Variants in UNKL observed in about 807,000 individuals in gnomAD.
UNKL encodes the protein unk like zinc finger.
In UNKL, 60 loss-of-function variants were observed where a neutral mutation model predicts 78.0. The ratio of observed to expected loss-of-function variants is 0.77; its 90% CI spans 0.63 to 0.95. The LOEUF is 0.95. Among genes scored for constraint, UNKL ranks in the 40% least tolerant of loss-of-function variants. The probability of loss-of-function intolerance (pLI) is 0.00; values close to 1 mark genes in which losing one functional copy is unlikely to be tolerated. For missense variants in UNKL, 1,159 were observed against 1,045.7 expected (o/e 1.11, Z -1.49); for synonymous variants, 608 against 474.8 (o/e 1.28, Z -3.65).
intron 6 of UNKL, among the ~76,000 whole-genome samples, chr16:1,396,792 G>C (rs1048433136): frequency 6.6e-6 from 1 of 151,710 alleles, no homozygotes; most frequent in African/African-American, 2.4e-5. Context: ...ACGGGGTTTT[G>C]CCAGGATGGT....
In UNKL at chr16:1,385,263, G is replaced by C. The variant is rs1249467500; in HGVS notation, c.1209C>G (p.Pro403=). 4.5e-6 allele frequency: 6 copies of C among 1,331,656 alleles called. No individual in the cohort carries two copies. The Admixed American group carries it at 2.0e-4, about 45-fold the overall frequency. 82.5% of individuals were successfully genotyped at this position (1,331,656 alleles called of 1,614,324 possible). Residue 403 remains proline (P), a synonymous_variant, in exon 10 of 15, where the codon CCC becomes CCG. Transcript: ENST00000389221. ...GGCCGAGCGGGAGGGCACGGGCGGG[G>C]GGCGCGGGCAGCGCAGTGGGGGAGG... The part of the protein sequence containing the change: ...GSSSPTALPA[P]PARALPLGPA...
At chr16:1,404,204 G>A (rs1230084923) in intron 2 of UNKL, among the ~76,000 whole-genome samples, 2 of 152,202 alleles carry the variant, frequency 1.3e-5, no homozygotes, top group Non-Finnish European at 2.9e-5. Flanking sequence ...GTGGCCCAAG[G>A]GCCAAGGCAG....
intron 10 of UNKL, among the ~76,000 whole-genome samples, chr16:1,377,919 G>T (rs923170702): frequency 6.6e-6 from 1 of 152,150 alleles, no homozygotes; most frequent in Non-Finnish European, 1.5e-5. Flanking sequence ...TTCATGCATT[G>T]CAATAGTAAC....
chr16:1,400,213 G>A (rs1239407988), intron 4 of UNKL, among the ~76,000 whole-genome samples: 1 of 152,006 alleles, frequency 6.6e-6, no homozygotes, highest in African/African-American at 2.4e-5. Flanking sequence ...AAGGTCAGGA[G>A]TTCAAGACTT....
chr16:1,366,711 G>A (rs2035287050), intron 14 of UNKL, among the ~76,000 whole-genome samples: 1 of 152,242 alleles, frequency 6.6e-6, no homozygotes, highest in African/African-American at 2.4e-5. Context: ...AGGACCCTCT[G>A]TCCTATAGCA....
chr16:1,413,906 C>A lies in UNKL; in HGVS notation c.227G>T (p.Ser76Ile). The A allele has an allele frequency of 6.4e-7, 1 of 1,558,946 alleles. No individual in the cohort carries two copies. The highest frequency in any genetic ancestry group is 8.7e-7 in the Non-Finnish European group (1 of 1,151,604). Reference protein sequence around the residue: ...LRRRDGTFNYSPDVYCSKYNE... With the variant: ...LRRRDGTFNYIPDVYCSKYNE... ...GTACTTGGAGCAGTACACGTCGGGGCTGTAGTTGAAGGTGCCGTCGCGCCT... is the reference window on the plus strand; with the variant it reads ...GTACTTGGAGCAGTACACGTCGGGGATGTAGTTGAAGGTGCCGTCGCGCCT... Residue 76 changes from serine (S) to isoleucine (I), a missense_variant, in exon 2 of 15, where the codon AGC becomes ATC. Coordinates refer to ENST00000389221, the MANE Select transcript of UNKL (RefSeq NM_001372107.1).
intron 9 of UNKL, among the ~76,000 whole-genome samples, chr16:1,386,318 C>T (rs555038140): frequency 2.6e-5 from 4 of 152,184 alleles, no homozygotes; most frequent in African/African-American, 4.8e-5. Context: ...TTTGGGAGGC[C>T]GAGGTGGGCA....
chr16:1,381,194 A>G (rs1303077418), intron 10 of UNKL, among the ~76,000 whole-genome samples: 1 of 152,244 alleles, frequency 6.6e-6, no homozygotes, highest in Admixed American at 6.5e-5. Context: ...GCACAGTCCA[A>G]GATGGTCTCT....
At position 1,367,090 on chromosome 16, in the gene UNKL, A is replaced by T; in HGVS notation, c.2046+2T>A. The T allele has an allele frequency of 6.5e-7, 1 of 1,549,454 alleles. No individual in the cohort carries two copies. Among genetic ancestry groups the T allele is most frequent in the Non-Finnish European group, 8.7e-7 (1 of 1,151,932 alleles). The stretch of plus-strand genomic sequence containing the variant: ...CCTCACCCTGCCCAGAGCAGGACTC[A>T]CGCCGTCCACCGCCTCCAGGTCCAG... On this transcript the variant is annotated splice_donor_variant, in intron 14 of 14. Transcript: ENST00000389221. LOFTEE classifies it high-confidence loss of function.
intron 12 of UNKL, among the ~76,000 whole-genome samples, chr16:1,368,608 CAAAAAAAAAAAAAAAA>C (rs757374554): frequency 2.4e-5 from 1 of 42,144 alleles, no homozygotes; most frequent in Non-Finnish European, 4.1e-5. Flanking sequence ...GACTCCGTCT[CAAAAAAAAAAAAAAAA>C]AAAAAAAAAA....
intron 1 of UNKL, 23 bp downstream of exon 1, chr16:1,414,592 C>G: frequency 9.8e-7 from 1 of 1,020,598 alleles, no homozygotes; most frequent in Non-Finnish European, 1.2e-6. Context: ...GGGCGGGGGG[C>G]CGCAGGCCGG....
chr16:1,412,596 C>T (rs984114380), intron 2 of UNKL, among the ~76,000 whole-genome samples: 3 of 152,150 alleles, frequency 2.0e-5, no homozygotes, highest in East Asian at 1.9e-4. Context: ...GGTGACAGAG[C>T]GAGACTCAGT....
chr16:1,391,196 A>G (rs1258072502), intron 8 of UNKL, among the ~76,000 whole-genome samples: 1 of 141,048 alleles, frequency 7.1e-6, no homozygotes, highest in Admixed American at 6.9e-5. Context: ...CACACACACA[A>G]TATATATGTA....
At chr16:1,383,128 C>T (rs1289783247) in intron 10 of UNKL, among the ~76,000 whole-genome samples, 1 of 150,278 alleles carries the variant, frequency 6.7e-6, no homozygotes, top group Non-Finnish European at 1.5e-5. Flanking sequence ...AAAAATTAGC[C>T]GGGCGTAGTG....
At chr16:1,368,409 T>A (rs1465581460) in intron 12 of UNKL, among the ~76,000 whole-genome samples, 2 of 151,944 alleles carry the variant, frequency 1.3e-5, no homozygotes, top group Non-Finnish European at 2.9e-5. Context: ...GAGACCATCC[T>A]GGCTAACAAG....
At chr16:1,372,092 CA>C (rs11342892) in intron 10 of UNKL, among the ~76,000 whole-genome samples, 133,003 of 145,530 alleles carry the variant, frequency 0.91, 60,763 homozygotes, top group East Asian at 0.99. Flanking sequence ...CCGTCTCAAC[CA>C]AAAAAAAAAA....
chr16:1,390,548 T>C lies in UNKL; in HGVS notation c.1086+84A>G, dbSNP rs2037004674. 6.9e-6 allele frequency: 10 copies of C among 1,442,082 alleles called. No individual in the cohort carries two copies. The South Asian group carries it at 1.2e-4, about 18-fold the overall frequency. 89.3% of individuals were successfully genotyped at this position (1,442,082 alleles called of 1,614,324 possible). A position where few individuals can be genotyped will look rare whatever the true frequency, so the allele number is the denominator to read the frequency against. ...ATGCATGAGCGCTGCCCTAACGCGA[T>C]GCCACGGGTCAGGCACGAGGGCGGG... On this transcript the variant is annotated intron_variant, in intron 9 of 14. Transcript: ENST00000389221.
chr16:1,389,116 G>C (rs980982074), intron 9 of UNKL, among the ~76,000 whole-genome samples: 4 of 150,308 alleles, frequency 2.7e-5, no homozygotes, highest in African/African-American at 7.4e-5. Context: ...GACTCCACTA[G>C]AGACCTCCTG....
chr16:1,402,392 G>T (rs73490012), intron 3 of UNKL, among the ~76,000 whole-genome samples: 3,195 of 152,314 alleles, frequency 0.021, 98 homozygotes, highest in African/African-American at 0.072. Context: ...GCCAGGTGCA[G>T]CGGCTCACGT....
Sources: gnomAD v4.1 joint callset for allele counts (sites outside exome capture counted in the v4.1 genomes callset) on GRCh38, gnomAD v4.1.1 for gene constraint, MANE v1.5 for transcripts, NCBI Gene and HGNC (gene_info 2026-07-23, HGNC 2026-07-21) for gene names.